ADAMTSL1: variants seen among roughly 807,000 people sequenced by gnomAD.
The protein encoded by ADAMTSL1 is ADAMTS like 1, also known as ADAMTS-like protein 1.
In ADAMTSL1, 126 loss-of-function variants were observed where a neutral mutation model predicts 201.8. The observed-to-expected ratio is 0.62, with a 90% CI of 0.54 to 0.72. The LOEUF (loss-of-function observed/expected upper bound fraction) is 0.72, where lower values mean the gene tolerates loss of function less well. Among genes scored for constraint, ADAMTSL1 ranks in the 30% least tolerant of loss-of-function variants. The pLI is 0.00. For missense variants in ADAMTSL1, 2,679 were observed against 2,277.8 expected, an observed-to-expected ratio of 1.18 and a Z score of -3.59; for synonymous variants, 1,121 against 903.4, an observed-to-expected ratio of 1.24 and a Z score of -4.32.
intron 16 of ADAMTSL1, among the ~76,000 whole-genome samples, chr9:18,758,327 C>T (rs556813718): frequency 3.3e-5 from 5 of 152,222 alleles, no homozygotes; most frequent in Non-Finnish European, 7.3e-5. Context: ...TATTTGTTGC[C>T]TCTATCCAGG....
chr9:18,800,065 C>T, intron 20 of ADAMTSL1, among the ~76,000 whole-genome samples: 1 of 152,082 alleles, frequency 6.6e-6, no homozygotes, highest in East Asian at 1.9e-4. Flanking sequence ...GGAAGATTTG[C>T]TCCCATGCAC....
At chr9:18,272,157 CT>C (rs1832396173) in intron 2 of ADAMTSL1, among the ~76,000 whole-genome samples, 1 of 152,098 alleles carries the variant, frequency 6.6e-6, no homozygotes, top group Admixed American at 6.6e-5. Context: ...GTTTCTTTTG[CT>C]GTGCAGAAGC....
chr9:18,002,206 A>G (rs553328454), intron 1 of ADAMTSL1, among the ~76,000 whole-genome samples: 1 of 152,184 alleles, frequency 6.6e-6, no homozygotes, highest in South Asian at 2.1e-4. Context: ...GTGTTAATCT[A>G]TAGGAATCTG....
At chr9:17,999,945 T>G (rs1248955043) in intron 1 of ADAMTSL1, among the ~76,000 whole-genome samples, 1 of 148,288 alleles carries the variant, frequency 6.7e-6, no homozygotes, top group Non-Finnish European at 1.5e-5. Context: ...CATCATTTTT[T>G]ATGGCTGCAT....
At chr9:18,042,203 A>C (rs542160374) in intron 1 of ADAMTSL1, among the ~76,000 whole-genome samples, 4 of 152,168 alleles carry the variant, frequency 2.6e-5, no homozygotes, top group Non-Finnish European at 5.9e-5. Flanking sequence ...TGTACAAATT[A>C]TGAAGCATAG....
chr9:18,466,925 A>T (rs922432197), intron 2 of ADAMTSL1, among the ~76,000 whole-genome samples: 10 of 152,072 alleles, frequency 6.6e-5, no homozygotes, highest in Admixed American at 4.6e-4. Flanking sequence ...ATTTCATTTC[A>T]TTTTTGATCT....
At chr9:18,106,508 C>T (rs1272451511) in intron 1 of ADAMTSL1, among the ~76,000 whole-genome samples, 3 of 152,104 alleles carry the variant, frequency 2.0e-5, no homozygotes, top group Admixed American at 6.6e-5. Flanking sequence ...GGAAAAAAGG[C>T]CCAAATAAGC....
chr9:18,133,838 G>T (rs775975290), intron 1 of ADAMTSL1, among the ~76,000 whole-genome samples: 27 of 152,028 alleles, frequency 1.8e-4, no homozygotes, highest in Admixed American at 7.2e-4. Flanking sequence ...AAAACTATTT[G>T]GTTAACTCTA....
intron 20 of ADAMTSL1, among the ~76,000 whole-genome samples, chr9:18,810,250 A>G (rs1236629973): frequency 6.6e-6 from 1 of 152,212 alleles, no homozygotes; most frequent in Non-Finnish European, 1.5e-5. Flanking sequence ...AGGCCCCTGA[A>G]CAGTCAAAAT....
At chr9:18,230,654 T>C (rs1206025413) in intron 2 of ADAMTSL1, among the ~76,000 whole-genome samples, 1 of 152,122 alleles carries the variant, frequency 6.6e-6, no homozygotes, top group Non-Finnish European at 1.5e-5. Flanking sequence ...CTGGGAGCCA[T>C]ATGCATATCA....
intron 1 of ADAMTSL1, among the ~76,000 whole-genome samples, chr9:18,161,347 A>T (rs1460973524): frequency 3.3e-5 from 5 of 152,068 alleles, no homozygotes; most frequent in Non-Finnish European, 5.9e-5. Context: ...CACAAAGAAA[A>T]TGCAACTAAG....
chr9:18,237,096 T>G, intron 2 of ADAMTSL1, among the ~76,000 whole-genome samples: 1 of 152,184 alleles, frequency 6.6e-6, no homozygotes, highest in East Asian at 1.9e-4. Flanking sequence ...ATCCAGACAA[T>G]AAACAAACAT....
At chr9:18,440,818 G>A (rs1819963412) in intron 2 of ADAMTSL1, among the ~76,000 whole-genome samples, 1 of 151,942 alleles carries the variant, frequency 6.6e-6, no homozygotes. Context: ...AGACTACCAG[G>A]AATTTCTTAA....
At chr9:18,527,506 A>T (rs899753522) in intron 2 of ADAMTSL1, among the ~76,000 whole-genome samples, 1 of 152,134 alleles carries the variant, frequency 6.6e-6, no homozygotes, top group Non-Finnish European at 1.5e-5. Flanking sequence ...CTTATATGAG[A>T]AGGGGGATGG....
intron 1 of ADAMTSL1, among the ~76,000 whole-genome samples, chr9:17,924,575 A>G (rs1388431303): frequency 1.3e-5 from 2 of 150,262 alleles, no homozygotes; most frequent in Non-Finnish European, 1.5e-5. Flanking sequence ...CTGATCTTTG[A>G]CAAACCTGAG....
intron 2 of ADAMTSL1, among the ~76,000 whole-genome samples, chr9:18,396,183 C>T (rs182159006): frequency 2.4e-4 from 36 of 152,252 alleles, no homozygotes; most frequent in African/African-American, 6.5e-4. Flanking sequence ...CTTAGGTGCT[C>T]CTGCCTTTGC....
intron 1 of ADAMTSL1, among the ~76,000 whole-genome samples, chr9:18,089,110 C>T (rs890475586): frequency 3.9e-5 from 6 of 152,096 alleles, no homozygotes; most frequent in Admixed American, 3.9e-4. Context: ...CAAGATCGTG[C>T]CATTGCGCTG....
At chr9:18,496,376 A>G (rs1430441321) in intron 1 of ADAMTSL1, among the ~76,000 whole-genome samples, 1 of 152,232 alleles carries the variant, frequency 6.6e-6, no homozygotes, top group African/African-American at 2.4e-5. Flanking sequence ...CACACATCCT[A>G]CAATATCTGG....
chr9:18,160,052 C>T (rs896924970), intron 1 of ADAMTSL1, among the ~76,000 whole-genome samples: 1 of 152,030 alleles, frequency 6.6e-6, no homozygotes, highest in Non-Finnish European at 1.5e-5. Flanking sequence ...CAGTCCCATT[C>T]AAGAGAATTT....
Sources: allele counts gnomAD v4.1 joint callset (sites outside exome capture counted in the v4.1 genomes callset), GRCh38; gene constraint gnomAD v4.1.1; transcripts MANE v1.5; gene names NCBI Gene and HGNC (gene_info 2026-07-23, HGNC 2026-07-21).